Variants in IQCM observed in about 807,000 individuals in gnomAD.
IQCM encodes the protein IQ motif containing M, also known as IQ domain-containing protein M.
Under a neutral mutation model 57.6 loss-of-function variants are expected in IQCM, and 45 were observed. The ratio of observed to expected loss-of-function variants is 0.78; its 90% CI spans 0.62 to 1.00. The LOEUF is 1.00. IQCM is among the 50% of genes least tolerant of loss of function. The probability of loss-of-function intolerance (pLI) is 0.00; values close to 1 mark genes in which losing one functional copy is unlikely to be tolerated. For synonymous variants in IQCM, 148 were observed against 158.9 expected, an observed-to-expected ratio of 0.93 and a Z score of 0.51; for missense variants, 468 against 511.6, an observed-to-expected ratio of 0.91 and a Z score of 0.82.
chr4:149,509,263 T>A (rs1744156479), intron 12 of IQCM, among the ~76,000 whole-genome samples: 1 of 152,018 alleles, frequency 6.6e-6, no homozygotes, highest in African/African-American at 2.4e-5. Flanking sequence ...AGATTAGATT[T>A]GACTTTTTCT....
intron 12 of IQCM, among the ~76,000 whole-genome samples, chr4:149,547,232 C>T (rs1020484637): frequency 1.3e-5 from 2 of 151,984 alleles, no homozygotes; most frequent in South Asian, 4.2e-4. Context: ...AGCCTTGTAG[C>T]ATAGTTTGAA....
At chr4:149,699,315 G>T (rs1244341392) in intron 5 of IQCM, among the ~76,000 whole-genome samples, 1 of 152,018 alleles carries the variant, frequency 6.6e-6, no homozygotes, top group Non-Finnish European at 1.5e-5. Flanking sequence ...CCCAAAAAAG[G>T]AAATAATACC....
intron 12 of IQCM, among the ~76,000 whole-genome samples, chr4:149,447,283 A>G (rs1736617730): frequency 6.6e-6 from 1 of 151,650 alleles, no homozygotes; most frequent in Admixed American, 6.6e-5. Flanking sequence ...CTGGCATTCA[A>G]TAAAAATTAC....
chr4:149,452,441 C>T (rs1737221592), intron 12 of IQCM, among the ~76,000 whole-genome samples: 1 of 150,266 alleles, frequency 6.7e-6, no homozygotes, highest in African/African-American at 2.4e-5. Flanking sequence ...AAACTTATTG[C>T]AGAGCTGCAG....
intron 12 of IQCM, among the ~76,000 whole-genome samples, chr4:149,512,664 T>G (rs1053780743): frequency 6.6e-6 from 1 of 152,202 alleles, no homozygotes; most frequent in Admixed American, 6.5e-5. Flanking sequence ...GCAGCTCATA[T>G]TACTGCTGAC....
intron 2 of IQCM, among the ~76,000 whole-genome samples, chr4:149,759,296 T>G (rs2149958084): frequency 6.6e-6 from 1 of 152,246 alleles, no homozygotes; most frequent in African/African-American, 2.4e-5. Flanking sequence ...ACAGCGGATT[T>G]TTAGGGCAGT....
At chr4:149,737,058 C>G (rs1160114927) in intron 3 of IQCM, among the ~76,000 whole-genome samples, 2 of 152,068 alleles carry the variant, frequency 1.3e-5, no homozygotes, top group Non-Finnish European at 2.9e-5. Context: ...AATATTATGC[C>G]AAGTTAAAGC....
chr4:149,562,665 C>T (rs934488324), intron 10 of IQCM, among the ~76,000 whole-genome samples: 1 of 152,084 alleles, frequency 6.6e-6, no homozygotes, highest in Non-Finnish European at 1.5e-5. Context: ...ATAGCAGCTA[C>T]CTTACAAAAT....
intron 7 of IQCM, among the ~76,000 whole-genome samples, chr4:149,662,818 T>G (rs1236011359): frequency 6.6e-6 from 1 of 152,038 alleles, no homozygotes. Context: ...GAGTACCTTA[T>G]TGGCAGCATA....
At chr4:149,546,087 T>C (rs539056414) in intron 12 of IQCM, among the ~76,000 whole-genome samples, 28 of 152,250 alleles carry the variant, frequency 1.8e-4, no homozygotes, top group South Asian at 6.2e-4. Flanking sequence ...TTTGTCCTTG[T>C]GATAGTTTGC....
chr4:149,565,801 A>C, intron 9 of IQCM, among the ~76,000 whole-genome samples: 1 of 152,286 alleles, frequency 6.6e-6, no homozygotes, highest in South Asian at 2.1e-4. Flanking sequence ...GTAAATGAAA[A>C]AAAAGTCATT....
chr4:149,773,848 T>C (rs1770820850), intron 2 of IQCM, among the ~76,000 whole-genome samples: 2 of 152,176 alleles, frequency 1.3e-5, no homozygotes, highest in Admixed American at 1.3e-4. Flanking sequence ...TTATCCTGAT[T>C]ACCTATTTCC....
intron 12 of IQCM, among the ~76,000 whole-genome samples, chr4:149,496,082 C>T (rs879907304): frequency 6.6e-6 from 1 of 151,994 alleles, no homozygotes; most frequent in Non-Finnish European, 1.5e-5. Flanking sequence ...AAGTGGGCAT[C>T]TTTGAGAAAT....
At chr4:149,639,631 C>A (rs186261594) in intron 7 of IQCM, among the ~76,000 whole-genome samples, 14 of 151,378 alleles carry the variant, frequency 9.2e-5, no homozygotes, top group Admixed American at 9.2e-4. Flanking sequence ...ATTTAAAGTT[C>A]ATCTTTAGGC....
intron 13 of IQCM, among the ~76,000 whole-genome samples, chr4:149,388,472 T>C (rs1263906299): frequency 6.8e-6 from 1 of 146,650 alleles, no homozygotes; most frequent in Non-Finnish European, 1.5e-5. Flanking sequence ...TTCATATGCT[T>C]ATTGGACACA....
At chr4:149,519,918 T>TGGG (rs1283366219) in intron 12 of IQCM, among the ~76,000 whole-genome samples, 2 of 150,796 alleles carry the variant, frequency 1.3e-5, no homozygotes, top group Admixed American at 1.3e-4. Flanking sequence ...GGCAGGAGAA[T>TGGG]GGCATGAACC....
intron 12 of IQCM, among the ~76,000 whole-genome samples, chr4:149,444,831 T>A (rs1736332297): frequency 6.6e-6 from 1 of 151,842 alleles, no homozygotes; most frequent in African/African-American, 2.4e-5. Flanking sequence ...CTTGAGGAAA[T>A]AGGACAAAAG....
chr4:149,656,974 C>T (rs1157554522), intron 7 of IQCM, among the ~76,000 whole-genome samples: 2 of 152,038 alleles, frequency 1.3e-5, no homozygotes, highest in African/African-American at 4.8e-5. Flanking sequence ...AAGTTTTTTC[C>T]ATTTCTCCAA....
intron 3 of IQCM, among the ~76,000 whole-genome samples, chr4:149,736,510 A>T (rs1173271134): frequency 6.6e-6 from 1 of 152,168 alleles, no homozygotes; most frequent in East Asian, 1.9e-4. Context: ...AAGTCTGGCC[A>T]GTGGGCTCTC....
Sources: gnomAD v4.1 joint callset for allele counts (sites outside exome capture counted in the v4.1 genomes callset) on GRCh38, gnomAD v4.1.1 for gene constraint, MANE v1.5 for transcripts, NCBI Gene and HGNC (gene_info 2026-07-23, HGNC 2026-07-21) for gene names.